Variants in RFTN1 observed in about 807,000 individuals in gnomAD.
RFTN1 encodes the protein raftlin.
A neutral mutation model predicts 46.5 loss-of-function variants in RFTN1; 26 were observed. The observed-to-expected ratio is 0.56, with a 90% CI of 0.41 to 0.78. The LOEUF (loss-of-function observed/expected upper bound fraction) is 0.78, where lower values mean the gene tolerates loss of function less well. RFTN1 is among the 30% of genes least tolerant of loss of function. The pLI is 0.00. For missense variants in RFTN1, 693 were observed against 718.7 expected (o/e 0.96, Z 0.41); for synonymous variants, 261 against 284.2 (o/e 0.92, Z 0.82).
At chr3:16,461,445 C>G (rs925779135) in intron 2 of RFTN1, among the ~76,000 whole-genome samples, 5 of 152,110 alleles carry the variant, frequency 3.3e-5, no homozygotes, top group African/African-American at 1.2e-4. Flanking sequence ...TAAATACATA[C>G]ACATAAATGT....
rs556894223 is a variant in RFTN1, at chr3:16,392,385, A to G, written c.442-14283T>C. ...CCTCACATGCCATGAGGTTAGTTCA[A>G]ATTCCCACACTCATTATCTGTGCTG... On this transcript the variant is annotated intron_variant, in intron 4 of 9. Transcript: ENST00000334133. Among the ~76,000 whole-genome samples, 185 of 152,198 alleles carry G rather than the reference A, an allele frequency of 1.2e-3. 1 individual carries two copies. The highest frequency in any genetic ancestry group is 2.4e-3 in the Non-Finnish European group (162 of 67,988).
intron 3 of RFTN1, among the ~76,000 whole-genome samples, chr3:16,430,401 T>G (rs1375613746): frequency 6.6e-6 from 1 of 152,226 alleles, no homozygotes; most frequent in Non-Finnish European, 1.5e-5. Flanking sequence ...TGTGAGCCAC[T>G]GCACCTGGCC....
intron 2 of RFTN1, among the ~76,000 whole-genome samples, chr3:16,471,192 G>T (rs892824965): frequency 6.6e-6 from 1 of 152,188 alleles, no homozygotes; most frequent in Non-Finnish European, 1.5e-5. Flanking sequence ...AGACAAAAAT[G>T]TGTGACTATA....
chr3:16,419,968 G>C (rs1049307880), intron 3 of RFTN1, among the ~76,000 whole-genome samples: 14 of 152,352 alleles, frequency 9.2e-5, no homozygotes, highest in Admixed American at 4.6e-4. Flanking sequence ...CTCTCAGGGA[G>C]CTGTGCATGC....
Position 16,334,426 on chromosome 3 carries a change from A to G in RFTN1, c.1147-7550T>C, listed in dbSNP as rs914378001. 2.6e-5 allele frequency among the ~76,000 whole-genome samples: 4 copies of G among 152,208 alleles called. No individual in the cohort carries two copies. Among genetic ancestry groups the G allele is most frequent in the African/African-American group, 4.8e-5 (2 of 41,458 alleles). On this transcript the variant is annotated intron_variant, in intron 7 of 9. Coordinates refer to ENST00000334133, the MANE Select transcript of RFTN1 (RefSeq NM_015150.2). The surrounding 1 kb of genome is among the most constrained non-coding windows in gnomAD (Gnocchi z 4.3). Reference sequence around the variant, plus strand: ...TCACTTCTGGGAATTTAACCTACGTATTAAAAAATGAGAAATGCACAGAGT... The same window carrying G: ...TCACTTCTGGGAATTTAACCTACGTGTTAAAAAATGAGAAATGCACAGAGT...
chr3:16,471,309 G>A (rs1176584474), intron 2 of RFTN1, among the ~76,000 whole-genome samples: 1 of 152,204 alleles, frequency 6.6e-6, no homozygotes, highest in Non-Finnish European at 1.5e-5. Context: ...ATGCATAGTG[G>A]TTACCATCAT....
intron 4 of RFTN1, among the ~76,000 whole-genome samples, chr3:16,406,515 G>T (rs1433739185): frequency 2.0e-5 from 3 of 152,168 alleles, no homozygotes; most frequent in Admixed American, 2.0e-4. Flanking sequence ...GACACTGCGG[G>T]TCAGAAATCT....
rs570798815 is a variant in RFTN1, at chr3:16,509,889, A to G, written c.-9+3553T>C. ...AACACAGTGCAATGTCTCAAGACTG[A>G]GCTGTCTGCCATCTGACTCCTGCAA... On this transcript the variant is annotated intron_variant, in intron 1 of 9. Coordinates refer to ENST00000334133, the MANE Select transcript of RFTN1 (RefSeq NM_015150.2). This position sits in a 1 kb window ranked among gnomAD's most constrained non-coding sequence, Gnocchi z 4.9. Among the ~76,000 whole-genome samples, 32 of 152,320 alleles carry G rather than the reference A, an allele frequency of 2.1e-4. No individual in the cohort carries two copies. Among genetic ancestry groups the G allele is most frequent in the African/African-American group, 7.2e-4 (30 of 41,578 alleles).
rs139188887 is a variant in RFTN1 at position 16,465,702 on chromosome 3, G to T, written c.145+28023C>A. 2.2e-4 allele frequency among the ~76,000 whole-genome samples: 33 copies of T among 152,200 alleles called. No individual in the cohort carries two copies. Among genetic ancestry groups the T allele is most frequent in the Non-Finnish European group, 4.3e-4 (29 of 68,010 alleles). On this transcript the variant is annotated intron_variant, in intron 2 of 9. Transcript: ENST00000334133. This position sits in a 1 kb window ranked among gnomAD's most constrained non-coding sequence, Gnocchi z 5.1. The stretch of plus-strand genomic sequence containing the variant: ...CCAAAATTATCACACCCACCAAAAA[G>T]ACCTGCTGGGGACAGCTAATCTTTT...
rs571705450 is a variant in RFTN1, at chr3:16,512,285, A to G, written c.-9+1157T>C. On this transcript the variant is annotated intron_variant, in intron 1 of 9. Transcript: ENST00000334133. The surrounding 1 kb of genome is among the most constrained non-coding windows in gnomAD (Gnocchi z 4.3). ...GCCTTAACTTATCCTGAGATGACAC[A>G]CGATGGCAGGGGTTGGAAGATGCCT... 4.5e-4 allele frequency among the ~76,000 whole-genome samples: 69 copies of G among 152,216 alleles called. No individual in the cohort carries two copies. Among genetic ancestry groups the G allele is most frequent in the African/African-American group, 1.5e-3 (64 of 41,520 alleles).
Position 16,512,122 on chromosome 3 carries a change from T to C in RFTN1, c.-9+1320A>G, listed in dbSNP as rs1559384391. ...TTGCTTCGTAACCCCTCTCTGGGGT[T>C]TGGTGACATCTGGGGTCACTTGAAC... On this transcript the variant is annotated intron_variant, in intron 1 of 9. Transcript: ENST00000334133. This position sits in a 1 kb window ranked among gnomAD's most constrained non-coding sequence, Gnocchi z 4.3. Among the ~76,000 whole-genome samples the C allele has an allele frequency of 6.6e-6, 1 of 152,116 alleles. No homozygotes were observed. Among genetic ancestry groups the C allele is most frequent in the Non-Finnish European group, 1.5e-5 (1 of 68,016 alleles).
Position 16,448,407 on chromosome 3 carries a change from T to C in RFTN1, c.146-14370A>G, listed in dbSNP as rs1487747934. The stretch of plus-strand genomic sequence containing the variant: ...ACTTTTATGGAGGTGCCAATTTAAT[T>C]CCTTTTTCAACATTCTTTAGCTACA... On this transcript the variant is annotated intron_variant, in intron 2 of 9. Transcript: ENST00000334133. The surrounding 1 kb of genome is among the most constrained non-coding windows in gnomAD (Gnocchi z 4.1). Among the ~76,000 whole-genome samples, 1 of 152,214 alleles carries C rather than the reference T, an allele frequency of 6.6e-6. No individual in the cohort carries two copies. Among genetic ancestry groups the C allele is most frequent in the Non-Finnish European group, 1.5e-5 (1 of 68,036 alleles).
rs759224171 is a variant in RFTN1, at chr3:16,345,824, G to A, written c.1146+12108C>T. 7.7e-4 allele frequency among the ~76,000 whole-genome samples: 56 copies of A among 73,096 alleles called. No individual in the cohort carries two copies. The highest frequency in any genetic ancestry group is 4.1e-4 in the East Asian group (1 of 2,444). The allele number at this position is 73,096 out of a possible 152,430, so 48.0% of individuals were successfully genotyped here. A position where few individuals can be genotyped will look rare whatever the true frequency, so the allele number is the denominator to read the frequency against. ...TGTGTGTGTGTGTGTGTGTGCGCGC[G>A]CGCGTGCGCGCACGCGCACATGTGC... On this transcript the variant is annotated intron_variant, in intron 7 of 9. Coordinates refer to ENST00000334133, the MANE Select transcript of RFTN1 (RefSeq NM_015150.2). This position sits in a 1 kb window ranked among gnomAD's most constrained non-coding sequence, Gnocchi z 5.2.
intron 3 of RFTN1, among the ~76,000 whole-genome samples, chr3:16,431,500 G>GA (rs34673484): frequency 0.075 from 10,651 of 141,746 alleles, 470 homozygotes; most frequent in Middle Eastern, 0.14. Flanking sequence ...ACAGCAGGGA[G>GA]AAAAAAAAAA....
rs1230767150 is a variant in RFTN1 at position 16,484,615 on chromosome 3, G to A, written c.145+9110C>T. ...GAATGTCTTATAAGGAGGAACTTAA[G>A]AATAGAAATAGAAGAAGACAAGCTT... On this transcript the variant is annotated intron_variant, in intron 2 of 9. Coordinates refer to ENST00000334133, the MANE Select transcript of RFTN1 (RefSeq NM_015150.2). This position sits in a 1 kb window ranked among gnomAD's most constrained non-coding sequence, Gnocchi z 4.6. The A allele has an allele frequency of 1.3e-5, 2 of 152,206 alleles. No homozygotes were observed. The highest frequency in any genetic ancestry group is 1.3e-4 in the Admixed American group (2 of 15,272). The allele number at this position is 152,206 out of a possible 1,614,324, so 9.4% of individuals were successfully genotyped here. A position where few individuals can be genotyped will look rare whatever the true frequency, so the allele number is the denominator to read the frequency against.
Position 16,374,161 on chromosome 3 carries a change from G to A in RFTN1, c.826+3557C>T, listed in dbSNP as rs2073647468. ...GACTCTCCCAAACTTGATGAGAGGG[G>A]GTGGCCCTGGTTCTGTGCCCAGAAG... On this transcript the variant is annotated intron_variant, in intron 5 of 9. Coordinates refer to ENST00000334133, the MANE Select transcript of RFTN1 (RefSeq NM_015150.2). This position sits in a 1 kb window ranked among gnomAD's most constrained non-coding sequence, Gnocchi z 5.4. Among the ~76,000 whole-genome samples, 3 of 152,288 alleles carry A rather than the reference G, an allele frequency of 2.0e-5. No individual in the cohort carries two copies.
chr3:16,442,086 T>C lies in RFTN1; in HGVS notation c.146-8049A>G, dbSNP rs929121567. 6.6e-6 allele frequency among the ~76,000 whole-genome samples: 1 copy of C among 152,154 alleles called. No individual in the cohort carries two copies. The highest frequency in any genetic ancestry group is 2.4e-5 in the African/African-American group (1 of 41,420). On this transcript the variant is annotated intron_variant, in intron 2 of 9. Transcript: ENST00000334133. The surrounding 1 kb of genome is among the most constrained non-coding windows in gnomAD (Gnocchi z 4.1). ...TCTAAGGGCTTTAAAAATTTAGACT[T>C]CTGTCATCTTCTCATTAAACAAACT...
intron 7 of RFTN1, among the ~76,000 whole-genome samples, chr3:16,331,974 A>G (rs1041944784): frequency 2.0e-5 from 3 of 152,236 alleles, no homozygotes; most frequent in African/African-American, 7.2e-5. Flanking sequence ...TGCTATTGAG[A>G]TAATCTATTC....
chr3:16,476,304 A>G (rs766657801), intron 2 of RFTN1, among the ~76,000 whole-genome samples: 2 of 152,232 alleles, frequency 1.3e-5, no homozygotes, highest in African/African-American at 2.4e-5. Flanking sequence ...CATATTAATC[A>G]TTCACTCATT....
Sources: gnomAD v4.1 joint callset for allele counts (sites outside exome capture counted in the v4.1 genomes callset) on GRCh38, gnomAD v4.1.1 for gene constraint, Gnocchi (gnomAD v3.1) non-coding constraint, MANE v1.5 for transcripts, NCBI Gene and HGNC (gene_info 2026-07-23, HGNC 2026-07-21) for gene names.